CDH8: variants seen among roughly 807,000 people sequenced by gnomAD.
CDH8 encodes the protein cadherin 8.
Under a neutral mutation model 68.1 loss-of-function variants are expected in CDH8, and 17 were observed. That is an observed-to-expected ratio of 0.25 (90% CI 0.17 to 0.37). CDH8 has a LOEUF of 0.37. CDH8 is among the 10% of genes least tolerant of loss of function. CDH8 has a pLI of 1.00. For synonymous variants in CDH8, 372 were observed against 365.1 expected, an observed-to-expected ratio of 1.02 and a Z score of -0.21; for missense variants, 763 against 999.3, an observed-to-expected ratio of 0.76 and a Z score of 3.19.
At chr16:61,944,749 C>G (rs1964774755) in intron 2 of CDH8, among the ~76,000 whole-genome samples, 1 of 152,110 alleles carries the variant, frequency 6.6e-6, no homozygotes, top group South Asian at 2.1e-4. Context: ...TCACACCAGT[C>G]TGTGCTGCAT....
intron 2 of CDH8, among the ~76,000 whole-genome samples, chr16:61,972,361 G>A (rs1410624794): frequency 6.6e-6 from 1 of 152,116 alleles, no homozygotes. Flanking sequence ...ACTCCCTGAG[G>A]AGTGTTGTGC....
chr16:61,856,342 C>T (rs1963048143), intron 4 of CDH8, among the ~76,000 whole-genome samples: 1 of 152,052 alleles, frequency 6.6e-6, no homozygotes, highest in South Asian at 2.1e-4. Context: ...TACAACAAAA[C>T]TTCACAGGAT....
chr16:61,954,632 C>A (rs1408250477), intron 2 of CDH8, among the ~76,000 whole-genome samples: 1 of 146,158 alleles, frequency 6.8e-6, no homozygotes, highest in Non-Finnish European at 1.5e-5. Context: ...AACCCGGAGG[C>A]AGAGCTTGCA....
chr16:62,011,069 G>C (rs370856409), intron 2 of CDH8, among the ~76,000 whole-genome samples: 1 of 151,772 alleles, frequency 6.6e-6, no homozygotes. Context: ...ACCCAGCTGG[G>C]TTATTCTTAG....
chr16:62,033,672 T>C (rs1188644475), intron 1 of CDH8, among the ~76,000 whole-genome samples: 2 of 152,180 alleles, frequency 1.3e-5, no homozygotes, highest in Admixed American at 6.5e-5. Context: ...TTAGCCAGTG[T>C]CTCTAAAACA....
chr16:61,747,844 T>G (rs1960060913), intron 8 of CDH8, among the ~76,000 whole-genome samples: 1 of 152,138 alleles, frequency 6.6e-6, no homozygotes, highest in Non-Finnish European at 1.5e-5. Flanking sequence ...TGTCAACCTC[T>G]GAATTTCTGC....
chr16:61,960,465 G>GTA (rs1965134786), intron 2 of CDH8, among the ~76,000 whole-genome samples: 1 of 151,542 alleles, frequency 6.6e-6, no homozygotes, highest in African/African-American at 2.4e-5. Flanking sequence ...CACAGAGAGA[G>GTA]TATACATATA....
chr16:61,900,535 G>A (rs1963950923), intron 3 of CDH8, among the ~76,000 whole-genome samples: 1 of 152,130 alleles, frequency 6.6e-6, no homozygotes, highest in South Asian at 2.1e-4. Context: ...TCCAAAGAGG[G>A]AGAAACAAGA....
chr16:62,017,521 G>T (rs1193831033), intron 2 of CDH8, among the ~76,000 whole-genome samples: 1 of 152,042 alleles, frequency 6.6e-6, no homozygotes, highest in African/African-American at 2.4e-5. Context: ...CTCTACAAAA[G>T]ATTTAAACAA....
intron 7 of CDH8, among the ~76,000 whole-genome samples, chr16:61,809,635 T>C (rs1303116358): frequency 6.6e-6 from 1 of 152,192 alleles, no homozygotes; most frequent in Non-Finnish European, 1.5e-5. Context: ...ATTTATATAG[T>C]CATAGACAAC....
At position 61,652,011 on chromosome 16, in the gene CDH8, G is replaced by T. The variant is rs1596830489; in HGVS notation, c.*1597C>A. On this transcript the variant is annotated 3_prime_UTR_variant, in exon 12 of 12. Coordinates refer to ENST00000577390, the MANE Select transcript of CDH8 (RefSeq NM_001796.5). Reference sequence around the variant, plus strand: ...GAAAAAAAAATTAATGACAACAAAGGTATTTATAAAAATATATTTCACAAA... The same window carrying T: ...GAAAAAAAAATTAATGACAACAAAGTTATTTATAAAAATATATTTCACAAA... The T allele has an allele frequency of 1.3e-6, 1 of 795,682 alleles. No individual in the cohort carries two copies. The highest frequency in any genetic ancestry group is 1.5e-6 in the Non-Finnish European group (1 of 657,234). 49.3% of individuals were successfully genotyped at this position (795,682 alleles called of 1,614,324 possible).
At chr16:61,672,800 G>A (rs933571766) in intron 10 of CDH8, among the ~76,000 whole-genome samples, 4 of 151,986 alleles carry the variant, frequency 2.6e-5, no homozygotes, top group Admixed American at 6.6e-5. Context: ...TCATATTGAG[G>A]AAGAGTTCTC....
intron 9 of CDH8, among the ~76,000 whole-genome samples, chr16:61,719,110 A>G (rs1362142363): frequency 6.7e-6 from 1 of 149,690 alleles, no homozygotes. Context: ...CCCATTCAAC[A>G]TGTTTAATGA....
rs1326605571 is a variant in CDH8 at position 61,649,490 on chromosome 16, T to C, written c.*4118A>G. The C allele has an allele frequency of 6.6e-6, 1 of 151,848 alleles. No individual in the cohort carries two copies. Among genetic ancestry groups the C allele is most frequent in the South Asian group, 2.1e-4 (1 of 4,818 alleles). 9.4% of individuals were successfully genotyped at this position (151,848 alleles called of 1,614,324 possible). ...TTCTTTTTAATGTTGATATTCATGT[T>C]TAAGTTGTGCATTTATAGAGCTTTT... On this transcript the variant is annotated 3_prime_UTR_variant, in exon 12 of 12. Coordinates refer to ENST00000577390, the MANE Select transcript of CDH8 (RefSeq NM_001796.5).
chr16:61,959,577 TATAG>T (rs1965047239), intron 2 of CDH8, among the ~76,000 whole-genome samples: 1 of 151,422 alleles, frequency 6.6e-6, no homozygotes, highest in African/African-American at 2.4e-5. Flanking sequence ...TATGTATGTA[TATAG>T]AGAGATGTGT....
intron 2 of CDH8, among the ~76,000 whole-genome samples, chr16:61,991,108 T>C (rs571164245): frequency 2.0e-5 from 3 of 152,152 alleles, no homozygotes; most frequent in Non-Finnish European, 4.4e-5. Context: ...CTCCAATATC[T>C]TCACTAACAA....
At chr16:61,918,417 C>T (rs1051066523) in intron 2 of CDH8, 1 of 154,574 alleles carries the variant, frequency 6.5e-6, no homozygotes, top group African/African-American at 2.4e-5. Flanking sequence ...GTTCATCTCA[C>T]TAGGGAGTGC....
intron 8 of CDH8, among the ~76,000 whole-genome samples, chr16:61,777,389 T>C (rs1041913213): frequency 1.3e-5 from 2 of 152,172 alleles, no homozygotes; most frequent in African/African-American, 4.8e-5. Flanking sequence ...ATTTTATCTA[T>C]AGTTGTCTAC....
intron 8 of CDH8, among the ~76,000 whole-genome samples, chr16:61,755,853 C>T (rs1960302006): frequency 1.3e-5 from 2 of 151,924 alleles, no homozygotes; most frequent in Admixed American, 6.6e-5. Context: ...TCGCGTCTCG[C>T]TCTGTCGCCC....
Sources: allele counts gnomAD v4.1 joint callset (sites outside exome capture counted in the v4.1 genomes callset), GRCh38; gene constraint gnomAD v4.1.1; transcripts MANE v1.5; gene names NCBI Gene and HGNC (gene_info 2026-07-23, HGNC 2026-07-21).